RGS6: variants seen among roughly 807,000 people sequenced by gnomAD.
RGS6 encodes regulator of G protein signaling 6, also known as regulator of G-protein signaling 6.
RGS6 carries 30 observed loss-of-function variants against 78.5 expected under a neutral mutation model. The observed-to-expected ratio is 0.38, with a 90% CI of 0.29 to 0.52. RGS6 has a LOEUF of 0.52. RGS6 is among the 20% of genes least tolerant of loss of function. The pLI is 0.85. For synonymous variants in RGS6, 206 were observed against 206.0 expected (o/e 1.00, Z 0.00); for missense variants, 495 against 609.7 (o/e 0.81, Z 1.98).
At chr14:72,559,570 G>T (rs2097642154) in intron 17 of RGS6, among the ~76,000 whole-genome samples, 2 of 152,182 alleles carry the variant, frequency 1.3e-5, no homozygotes, top group Middle Eastern at 3.2e-3. Context: ...GCTGGCATTT[G>T]GTAAATGCGC....
chr14:72,303,860 C>T (rs1277709073), intron 2 of RGS6, among the ~76,000 whole-genome samples: 1 of 152,208 alleles, frequency 6.6e-6, no homozygotes, highest in African/African-American at 2.4e-5. Flanking sequence ...ATTAAGATAT[C>T]ATTTCTCTAT....
At chr14:72,574,977 A>G in the RGS6 span, among the ~76,000 whole-genome samples, 3 of 152,164 alleles carry the variant, frequency 2.0e-5, no homozygotes, top group African/African-American at 4.8e-5. Context: ...TGGTGACTCA[A>G]TGAATATGGG....
At chr14:72,504,034 A>G (rs765824995) in intron 13 of RGS6, among the ~76,000 whole-genome samples, 1 of 152,208 alleles carries the variant, frequency 6.6e-6, no homozygotes, top group Non-Finnish European at 1.5e-5. Flanking sequence ...TGAAGAGACG[A>G]GTTGATCCTT....
intron 2 of RGS6, among the ~76,000 whole-genome samples, chr14:72,325,652 A>T (rs187122064): frequency 6.6e-6 from 1 of 152,058 alleles, no homozygotes; most frequent in East Asian, 1.9e-4. Flanking sequence ...TTGACAAAGG[A>T]CTATTCTTCT....
the RGS6 span, among the ~76,000 whole-genome samples, chr14:72,581,759 C>G: frequency 6.6e-6 from 1 of 152,232 alleles, no homozygotes; most frequent in African/African-American, 2.4e-5. Flanking sequence ...TACTTGACCC[C>G]AAGAGCCTTC....
intron 2 of RGS6, among the ~76,000 whole-genome samples, chr14:72,144,741 G>T (rs2096585183): frequency 6.6e-6 from 1 of 150,404 alleles, no homozygotes; most frequent in Non-Finnish European, 1.5e-5. Flanking sequence ...AGACATTCAT[G>T]ATTCATTTTT....
chr14:72,408,675 A>AT (rs2093154232), intron 3 of RGS6, among the ~76,000 whole-genome samples: 1 of 152,208 alleles, frequency 6.6e-6, no homozygotes, highest in South Asian at 2.1e-4. Flanking sequence ...ATTTGGCATC[A>AT]TGGAAATGGC....
At chr14:72,269,367 A>G (rs1051914997) in intron 2 of RGS6, among the ~76,000 whole-genome samples, 1 of 152,042 alleles carries the variant, frequency 6.6e-6, no homozygotes, top group Admixed American at 6.6e-5. Context: ...CTCCTAGCCC[A>G]CGTTATCTCT....
At chr14:72,402,955 C>A (rs2092599487) in intron 3 of RGS6, among the ~76,000 whole-genome samples, 1 of 151,858 alleles carries the variant, frequency 6.6e-6, no homozygotes, top group Non-Finnish European at 1.5e-5. Flanking sequence ...TGCCACCACA[C>A]CCAGCTAATC....
chr14:71,915,073 C>T, the RGS6 span, among the ~76,000 whole-genome samples: 2 of 151,062 alleles, frequency 1.3e-5, no homozygotes, highest in African/African-American at 4.9e-5. Flanking sequence ...CATGGTGAAA[C>T]CCCGTGTCTA....
chr14:72,239,913 A>G (rs1411424267), intron 2 of RGS6, among the ~76,000 whole-genome samples: 1 of 152,230 alleles, frequency 6.6e-6, no homozygotes, highest in Admixed American at 6.5e-5. Flanking sequence ...CTCTGGGAAT[A>G]TAAACACCAT....
chr14:72,085,853 C>CAAAAA (rs35951230), intron 2 of RGS6, among the ~76,000 whole-genome samples: 8 of 72,744 alleles, frequency 1.1e-4, no homozygotes, highest in South Asian at 7.7e-4. Context: ...GACACCATCT[C>CAAAAA]AAAAAAAAAA....
At chr14:72,495,345 T>A in intron 13 of RGS6, 83 bp downstream of exon 13, 1 of 926,428 alleles carries the variant, frequency 1.1e-6, no homozygotes, top group Non-Finnish European at 1.8e-6. Context: ...TATTCTATCT[T>A]AATTTGACAT....
chr14:72,090,127 AAAT>A lies in RGS6; in HGVS notation c.84+125255_84+125257del, dbSNP rs1196377818. On this transcript the variant is annotated intron_variant, in intron 2 of 17. Transcript: ENST00000553525. Reference sequence around the variant, plus strand: ...GACTCCATCTCAAAAAAAAAAAAAAAAATAAAGCCTTCAACAGTGGCTAAACAC... The same window carrying A: ...GACTCCATCTCAAAAAAAAAAAAAAAAAAGCCTTCAACAGTGGCTAAACAC... Among the ~76,000 whole-genome samples, 884 of 136,562 alleles carry A rather than the reference AAAT, an allele frequency of 6.5e-3. 32 individuals are homozygous for A. The highest frequency in any genetic ancestry group is 0.02 in the African/African-American group (800 of 39,296). 89.6% of individuals were successfully genotyped at this position (136,562 alleles called of 152,430 possible).
At chr14:72,465,890 G>GT in intron 7 of RGS6, 68 bp downstream of exon 7, 4 of 1,316,740 alleles carry the variant, frequency 3.0e-6, no homozygotes, top group African/African-American at 1.5e-5. Context: ...CTCCGTCTAA[G>GT]TTTATTTTTT....
chr14:72,036,200 A>AGTCT (rs138140828), intron 2 of RGS6, among the ~76,000 whole-genome samples: 3,926 of 146,816 alleles, frequency 0.027, 57 homozygotes, highest in Middle Eastern at 0.039. Flanking sequence ...GCATGTAAAC[A>AGTCT]TATTATTATT....
intron 2 of RGS6, among the ~76,000 whole-genome samples, chr14:72,076,420 T>G (rs531343841): frequency 6.6e-6 from 1 of 152,216 alleles, no homozygotes; most frequent in Non-Finnish European, 1.5e-5. Context: ...CTTTTCTGTT[T>G]TTCAAAATCT....
At chr14:72,290,879 C>A (rs2063461128) in intron 2 of RGS6, among the ~76,000 whole-genome samples, 1 of 152,114 alleles carries the variant, frequency 6.6e-6, no homozygotes, top group African/African-American at 2.4e-5. Context: ...AGGTTTGAAT[C>A]TGAGTTCTTT....
chr14:72,353,471 G>T (rs756549031), intron 3 of RGS6, among the ~76,000 whole-genome samples: 5 of 152,100 alleles, frequency 3.3e-5, no homozygotes, highest in Non-Finnish European at 7.3e-5. Flanking sequence ...AGTCTCAAAG[G>T]TTACATGCTA....
Sources: gnomAD v4.1 joint callset for allele counts (sites outside exome capture counted in the v4.1 genomes callset) on GRCh38, gnomAD v4.1.1 for gene constraint, MANE v1.5 for transcripts, NCBI Gene and HGNC (gene_info 2026-07-23, HGNC 2026-07-21) for gene names.